MARCHF1: variants seen among roughly 807,000 people sequenced by gnomAD.
MARCHF1 encodes E3 ubiquitin-protein ligase MARCHF1.
A neutral mutation model predicts 54.2 loss-of-function variants in MARCHF1; 40 were observed. That is an observed-to-expected ratio of 0.74 (90% CI 0.57 to 0.96). The LOEUF is 0.96. Ranked by LOEUF, MARCHF1 falls within the 40% of genes least tolerant of loss-of-function variation. The probability of loss-of-function intolerance (pLI) is 0.00; values close to 1 mark genes in which losing one functional copy is unlikely to be tolerated. For synonymous variants in MARCHF1, 236 were observed against 236.3 expected (o/e 1.00, Z 0.01); for missense variants, 586 against 656.5 (o/e 0.89, Z 1.17).
At chr4:164,012,246 G>A (rs780733577) in intron 2 of MARCHF1, among the ~76,000 whole-genome samples, 10 of 152,028 alleles carry the variant, frequency 6.6e-5, no homozygotes, top group Non-Finnish European at 1.5e-4. Flanking sequence ...GAATGCCAGT[G>A]TCACCCCTCC....
At chr4:163,837,560 G>A (rs1051245345) in intron 4 of MARCHF1, among the ~76,000 whole-genome samples, 1 of 151,638 alleles carries the variant, frequency 6.6e-6, no homozygotes, top group African/African-American at 2.4e-5. Context: ...AGACTTTAAG[G>A]AAAGAAACAA....
intron 2 of MARCHF1, among the ~76,000 whole-genome samples, chr4:164,087,849 T>C (rs1455925007): frequency 6.6e-6 from 1 of 151,932 alleles, no homozygotes; most frequent in Non-Finnish European, 1.5e-5. Flanking sequence ...TCTGTGCATT[T>C]CCAAGCTAAA....
intron 1 of MARCHF1, among the ~76,000 whole-genome samples, chr4:164,276,751 G>C (rs1251962249): frequency 2.0e-5 from 3 of 150,112 alleles, no homozygotes; most frequent in Admixed American, 2.0e-4. Context: ...CTCTGAAACT[G>C]TAACTGTAAA....
chr4:163,533,652 TCTG>T (rs1738433149), intron 9 of MARCHF1, among the ~76,000 whole-genome samples: 1 of 147,772 alleles, frequency 6.8e-6, no homozygotes, highest in Admixed American at 6.8e-5. Flanking sequence ...TTAACCTAAA[TCTG>T]CTCCAAAAAT....
intron 3 of MARCHF1, among the ~76,000 whole-genome samples, chr4:163,877,846 G>A (rs1161824376): frequency 2.6e-5 from 4 of 152,120 alleles, no homozygotes; most frequent in Non-Finnish European, 5.9e-5. Context: ...ATCGAGTAAT[G>A]TCTGCTGAAC....
intron 3 of MARCHF1, among the ~76,000 whole-genome samples, chr4:163,982,121 A>G (rs1752775934): frequency 6.6e-6 from 1 of 152,280 alleles, no homozygotes; most frequent in African/African-American, 2.4e-5. Context: ...GCAAATAATA[A>G]TATGGAAATT....
At chr4:164,190,160 A>G (rs1731087463) in intron 1 of MARCHF1, 9 of 1,558,644 alleles carry the variant, frequency 5.8e-6, no homozygotes, top group Non-Finnish European at 7.8e-6. Flanking sequence ...CCATGGAAAA[A>G]GCTGTAGAAG....
chr4:164,297,641 T>C (rs1734445821), intron 1 of MARCHF1, among the ~76,000 whole-genome samples: 1 of 151,068 alleles, frequency 6.6e-6, no homozygotes, highest in Admixed American at 6.6e-5. Context: ...AGGGTATTAG[T>C]GAAAAAAGTA....
At chr4:163,654,693 C>A (rs919759344) in intron 5 of MARCHF1, among the ~76,000 whole-genome samples, 1 of 151,454 alleles carries the variant, frequency 6.6e-6, no homozygotes, top group African/African-American at 2.4e-5. Context: ...ATTTATTGGC[C>A]TGTTATTTAT....
chr4:164,279,904 G>A (rs558708610), intron 1 of MARCHF1, among the ~76,000 whole-genome samples: 1 of 151,522 alleles, frequency 6.6e-6, no homozygotes, highest in African/African-American at 2.4e-5. Flanking sequence ...ATCAAATTAA[G>A]ACCAGCTTTA....
At chr4:163,933,193 A>G (rs1751718552) in intron 3 of MARCHF1, 10 of 741,352 alleles carry the variant, frequency 1.3e-5, no homozygotes, top group Non-Finnish European at 1.4e-5. Flanking sequence ...AGACAACCTA[A>G]CACTATGGAC....
chr4:163,744,230 T>C (rs888628962), intron 4 of MARCHF1, among the ~76,000 whole-genome samples: 1 of 152,202 alleles, frequency 6.6e-6, no homozygotes, highest in African/African-American at 2.4e-5. Context: ...CGGCATTTTA[T>C]CTGCATTTTC....
chr4:163,966,835 T>TG (rs778629018), intron 3 of MARCHF1, among the ~76,000 whole-genome samples: 10 of 152,090 alleles, frequency 6.6e-5, no homozygotes, highest in Non-Finnish European at 1.3e-4. Context: ...AAGTCACACT[T>TG]GCAAATCTAC....
At chr4:163,796,892 G>A (rs573391196) in intron 4 of MARCHF1, among the ~76,000 whole-genome samples, 66 of 152,112 alleles carry the variant, frequency 4.3e-4, no homozygotes, top group Non-Finnish European at 7.4e-4. Flanking sequence ...TGCATCTTAC[G>A]ATTCTTATGC....
intron 1 of MARCHF1, among the ~76,000 whole-genome samples, chr4:164,325,928 C>T (rs1735268494): frequency 6.6e-6 from 1 of 151,996 alleles, no homozygotes; most frequent in Non-Finnish European, 1.5e-5. Flanking sequence ...GCATTAAAAA[C>T]ATAATACATG....
intron 4 of MARCHF1, among the ~76,000 whole-genome samples, chr4:163,746,318 A>AT (rs1746358050): frequency 6.6e-6 from 1 of 151,966 alleles, no homozygotes; most frequent in South Asian, 2.1e-4. Flanking sequence ...AGTTTCCTCT[A>AT]TGTCTTTTTA....
chr4:163,585,671 T>C, intron 8 of MARCHF1, 78 bp downstream of exon 8: 1 of 1,195,862 alleles, frequency 8.4e-7, no homozygotes, highest in Non-Finnish European at 1.2e-6. Flanking sequence ...AGAATCGTAT[T>C]GGCAAAGGAA....
chr4:164,150,602 A>G (rs1156511913), intron 1 of MARCHF1, among the ~76,000 whole-genome samples: 1 of 152,124 alleles, frequency 6.6e-6, no homozygotes, highest in Non-Finnish European at 1.5e-5. Context: ...GTATACCTTG[A>G]CCTTGGTTCT....
chr4:163,782,676 AAAAAAAAAAAAG>A (rs1386191372), intron 4 of MARCHF1, among the ~76,000 whole-genome samples: 1 of 150,788 alleles, frequency 6.6e-6, no homozygotes, highest in African/African-American at 2.5e-5. Flanking sequence ...CTCCAAAAAA[AAAAAAAAAAAAG>A]AAAGAAAGAA....
Sources: allele counts gnomAD v4.1 joint callset (sites outside exome capture counted in the v4.1 genomes callset), GRCh38; gene constraint gnomAD v4.1.1; transcripts MANE v1.5; gene names NCBI Gene and HGNC (gene_info 2026-07-23, HGNC 2026-07-21).